The following B3GAT2 variants were observed in gnomAD, a reference collection of about 807,000 sequenced individuals.
The protein encoded by B3GAT2 is galactosylgalactosylxylosylprotein 3-beta-glucuronosyltransferase 2.
Under a neutral mutation model 27.8 loss-of-function variants are expected in B3GAT2, and 26 were observed. The observed-to-expected ratio is 0.93, with a 90% CI of 0.68 to 1.30. The LOEUF is 1.30. B3GAT2 is among the 50% of genes most tolerant of loss of function. The pLI, the probability that B3GAT2 is intolerant of heterozygous loss-of-function variation, is 0.00. For synonymous variants in B3GAT2, 218 were observed against 195.1 expected (o/e 1.12, Z -0.98); for missense variants, 458 against 459.0 (o/e 1.00, Z 0.02).
intron 1 of B3GAT2, among the ~76,000 whole-genome samples, chr6:70,942,152 G>A (rs749407815): frequency 5.9e-5 from 9 of 152,118 alleles, no homozygotes; most frequent in Non-Finnish European, 5.9e-5. Context: ...AGCCTGCTCC[G>A]ACACTGCTAT....
chr6:70,866,685 C>G (rs548534998), intron 2 of B3GAT2, among the ~76,000 whole-genome samples: 24 of 152,112 alleles, frequency 1.6e-4, no homozygotes, highest in Non-Finnish European at 3.1e-4. Context: ...CGTACAGAGT[C>G]ACAGGAACAG....
intron 1 of B3GAT2, among the ~76,000 whole-genome samples, chr6:70,928,122 T>G (rs1055185965): frequency 2.6e-5 from 4 of 152,136 alleles, no homozygotes; most frequent in African/African-American, 9.7e-5. Flanking sequence ...AATAAAGATG[T>G]TCTTTGAAAC....
intron 1 of B3GAT2, among the ~76,000 whole-genome samples, chr6:70,937,839 G>A (rs1207493095): frequency 6.6e-6 from 1 of 152,106 alleles, no homozygotes; most frequent in Non-Finnish European, 1.5e-5. Context: ...TTGAAAACGG[G>A]CACAAGACAG....
chr6:70,904,152 G>T (rs2460691), intron 1 of B3GAT2, among the ~76,000 whole-genome samples: 2 of 151,858 alleles, frequency 1.3e-5, no homozygotes, highest in Non-Finnish European at 2.9e-5. Context: ...GCCTCATATA[G>T]TGTTATTCCA....
chr6:70,888,507 G>A (rs1772228496), intron 2 of B3GAT2, among the ~76,000 whole-genome samples: 1 of 152,086 alleles, frequency 6.6e-6, no homozygotes, highest in Non-Finnish European at 1.5e-5. Context: ...CCCAATAGCT[G>A]TGGTATTTAA....
rs749720653 is a variant in B3GAT2 at position 70,858,689 on chromosome 6, A to G, written c.*2974T>C. The G allele has an allele frequency of 1.3e-5, 2 of 154,766 alleles. No individual in the cohort carries two copies. Among genetic ancestry groups the G allele is most frequent in the African/African-American group, 2.4e-5 (1 of 41,378 alleles). The allele number at this position is 154,766 out of a possible 1,614,324, so 9.6% of individuals were successfully genotyped here. A position where few individuals can be genotyped will look rare whatever the true frequency, so the allele number is the denominator to read the frequency against. ...AAATCTAGCCTCATATTCTCAAAGC[A>G]CTATTTTATGAGGGATCTAAGGCTA... On this transcript the variant is annotated 3_prime_UTR_variant, in exon 4 of 4. Transcript: ENST00000230053.
rs190423744 is a variant in B3GAT2 at position 70,945,176 on chromosome 6, C to G, written c.591+10663G>C. Reference sequence around the variant, plus strand: ...TAAAAAGCAGAGCACCTCTCCTCCCCCAAAGGAACACAGTTCCTCACCAGC... The same window carrying G: ...TAAAAAGCAGAGCACCTCTCCTCCCGCAAAGGAACACAGTTCCTCACCAGC... On this transcript the variant is annotated intron_variant, in intron 1 of 3. Transcript: ENST00000230053. 4.9e-3 allele frequency among the ~76,000 whole-genome samples: 751 copies of G among 152,290 alleles called. 3 individuals are homozygous for G. The highest frequency in any genetic ancestry group is 8.1e-3 in the Non-Finnish European group (548 of 68,030).
chr6:70,857,088 T>G lies in B3GAT2; in HGVS notation c.*4575A>C. 1 of 1,458,070 alleles carries G rather than the reference T, an allele frequency of 6.9e-7. No homozygotes were observed. Among genetic ancestry groups the G allele is most frequent in the East Asian group, 2.3e-5 (1 of 43,170 alleles). 90.3% of individuals were successfully genotyped at this position (1,458,070 alleles called of 1,614,324 possible). A position where few individuals can be genotyped will look rare whatever the true frequency, so the allele number is the denominator to read the frequency against. ...TTACTAGAAGTACATCCTTTGTAAT[T>G]ATATAATAAGATCAATTATATATCT... On this transcript the variant is annotated 3_prime_UTR_variant, in exon 4 of 4. Transcript: ENST00000230053.
chr6:70,862,879 A>G (rs1364815116), intron 2 of B3GAT2, among the ~76,000 whole-genome samples: 1 of 152,100 alleles, frequency 6.6e-6, no homozygotes, highest in Non-Finnish European at 1.5e-5. Context: ...TAGGAGGCTG[A>G]GGTGGGAGGA....
At chr6:70,887,817 C>G (rs771165399) in intron 2 of B3GAT2, among the ~76,000 whole-genome samples, 3 of 152,128 alleles carry the variant, frequency 2.0e-5, no homozygotes, top group Non-Finnish European at 2.9e-5. Flanking sequence ...GAGGAAGGAG[C>G]ATTTCCAGGC....
At chr6:70,864,380 C>T (rs777921555) in intron 2 of B3GAT2, among the ~76,000 whole-genome samples, 3 of 152,154 alleles carry the variant, frequency 2.0e-5, no homozygotes, top group Admixed American at 6.5e-5. Context: ...GCAAAATCTA[C>T]AATTTATGTA....
intron 2 of B3GAT2, among the ~76,000 whole-genome samples, chr6:70,892,127 G>A (rs1460454515): frequency 6.6e-6 from 1 of 152,068 alleles, no homozygotes; most frequent in African/African-American, 2.4e-5. Flanking sequence ...TACAGAGCAA[G>A]GAAATAATTC....
intron 1 of B3GAT2, among the ~76,000 whole-genome samples, chr6:70,947,547 T>C (rs1278228600): frequency 6.6e-6 from 1 of 152,054 alleles, no homozygotes; most frequent in Non-Finnish European, 1.5e-5. Context: ...GTTGAATCTC[T>C]GAATAGACCA....
chr6:70,893,148 C>G (rs1772319570), intron 2 of B3GAT2, among the ~76,000 whole-genome samples: 1 of 152,188 alleles, frequency 6.6e-6, no homozygotes, highest in African/African-American at 2.4e-5. Context: ...CAGATGACTC[C>G]TGGTATTCTT....
intron 2 of B3GAT2, among the ~76,000 whole-genome samples, chr6:70,875,999 G>A (rs1772008796): frequency 6.6e-6 from 1 of 152,182 alleles, no homozygotes; most frequent in African/African-American, 2.4e-5. Context: ...ACTGAATACG[G>A]AAAATATCCA....
At position 70,956,284 on chromosome 6, in the gene B3GAT2, C is replaced by A. The variant is rs755504105; in HGVS notation, c.146G>T (p.Gly49Val). 3 of 1,603,126 alleles carry A rather than the reference C, an allele frequency of 1.9e-6. No homozygotes were observed. Among genetic ancestry groups the A allele is most frequent in the East Asian group, 2.2e-5 (1 of 44,494 alleles). The stretch of plus-strand genomic sequence containing the variant: ...GCCCCTGCGGAGCGGGAGTCGGGCG[C>A]CCCCGCGGCCCACCGCGTAGGGAGA... Reference protein sequence around the residue: ...YFSPYAVGRGGARLPLRRGGP... With the variant: ...YFSPYAVGRGVARLPLRRGGP... The change falls in exon 1 of 4, where the codon GGC becomes GTC. Residue 49 changes from glycine (G) to valine (V), a missense_variant. Coordinates refer to ENST00000230053, the MANE Select transcript of B3GAT2 (RefSeq NM_080742.3).
At chr6:70,929,597 G>A (rs1773026501) in intron 1 of B3GAT2, among the ~76,000 whole-genome samples, 1 of 152,120 alleles carries the variant, frequency 6.6e-6, no homozygotes, top group Non-Finnish European at 1.5e-5. Flanking sequence ...ATTCACAATT[G>A]CTTCAAAGAG....
intron 1 of B3GAT2, among the ~76,000 whole-genome samples, chr6:70,933,762 T>A (rs539130460): frequency 2.6e-5 from 4 of 152,174 alleles, no homozygotes; most frequent in African/African-American, 9.7e-5. Context: ...ACTGTCAGGA[T>A]TGGTACAGCC....
intron 2 of B3GAT2, among the ~76,000 whole-genome samples, chr6:70,889,565 G>A (rs888804634): frequency 1.3e-5 from 2 of 152,086 alleles, no homozygotes; most frequent in African/African-American, 2.4e-5. Flanking sequence ...CAGGTGCACC[G>A]CCTTACACAA....
Sources: allele counts gnomAD v4.1 joint callset (sites outside exome capture counted in the v4.1 genomes callset), GRCh38; gene constraint gnomAD v4.1.1; transcripts MANE v1.5; gene names NCBI Gene and HGNC (gene_info 2026-07-23, HGNC 2026-07-21).